The following PI4K2B variants were observed in gnomAD, a reference collection of about 807,000 sequenced individuals.
PI4K2B encodes the protein phosphatidylinositol 4-kinase type 2-beta.
Under a neutral mutation model 56.6 loss-of-function variants are expected in PI4K2B, and 46 were observed. The ratio of observed to expected loss-of-function variants is 0.81; its 90% confidence interval spans 0.64 to 1.04. The LOEUF (loss-of-function observed/expected upper bound fraction) is 1.04. PI4K2B is among the 50% of genes least tolerant of loss of function. The pLI, the probability that PI4K2B is intolerant of heterozygous loss-of-function variation, is 0.00. For synonymous variants in PI4K2B, 211 were observed against 223.8 expected, an observed-to-expected ratio of 0.94 and a Z score of 0.51; for missense variants, 556 against 607.7, an observed-to-expected ratio of 0.91 and a Z score of 0.89.
intron 6 of PI4K2B, among the ~76,000 whole-genome samples, chr4:25,261,408 C>A (rs909968556): frequency 6.6e-6 from 1 of 152,098 alleles, no homozygotes. Flanking sequence ...TTGCTATCGA[C>A]TTTGAGTACC....
At chr4:25,253,904 C>T (rs780376453) in intron 2 of PI4K2B, among the ~76,000 whole-genome samples, 16 of 151,966 alleles carry the variant, frequency 1.1e-4, no homozygotes, top group Non-Finnish European at 1.9e-4. Context: ...CCTGAGTAGC[C>T]GGGATTACAG....
rs562895062 is a variant in PI4K2B at position 25,242,140 on chromosome 4, A to G, written c.268+7709A>G. Reference sequence around the variant, plus strand: ...GGTCCCTCTGGCTAAGATTAGGCCTAGATATTTGACCTGCTGTAGGCAAAG... The same window carrying G: ...GGTCCCTCTGGCTAAGATTAGGCCTGGATATTTGACCTGCTGTAGGCAAAG... On this transcript the variant is annotated intron_variant, in intron 1 of 9. Coordinates refer to ENST00000264864, the MANE Select transcript of PI4K2B (RefSeq NM_018323.4). Among the ~76,000 whole-genome samples, 15 of 152,356 alleles carry G rather than the reference A, an allele frequency of 9.8e-5. No individual in the cohort carries two copies. In the South Asian group the frequency reaches 3.1e-3, roughly 32 times the overall value.
intron 1 of PI4K2B, among the ~76,000 whole-genome samples, chr4:25,246,295 T>G (rs552518758): frequency 6.6e-6 from 1 of 152,054 alleles, no homozygotes; most frequent in East Asian, 1.9e-4. Context: ...TGCTGATTGG[T>G]CCATTTTACA....
At chr4:25,244,603 G>A (rs571974672) in intron 1 of PI4K2B, among the ~76,000 whole-genome samples, 216 of 152,266 alleles carry the variant, frequency 1.4e-3, no homozygotes, top group African/African-American at 5.0e-3. Flanking sequence ...GGGTTTATGG[G>A]TCAAATTGGT....
At chr4:25,266,801 T>C (rs990435356) in intron 7 of PI4K2B, among the ~76,000 whole-genome samples, 8 of 152,232 alleles carry the variant, frequency 5.3e-5, no homozygotes, top group African/African-American at 1.9e-4. Context: ...GCTTTTAAAC[T>C]GTCATCTTGT....
chr4:25,256,758 C>T, intron 4 of PI4K2B, 84 bp downstream of exon 4: 2 of 1,247,254 alleles, frequency 1.6e-6, no homozygotes, highest in Middle Eastern at 1.9e-4. Context: ...GTGCTATTAG[C>T]TGTGGATATT....
intron 3 of PI4K2B, among the ~76,000 whole-genome samples, chr4:25,256,300 C>T (rs1053067245): frequency 6.6e-5 from 10 of 152,214 alleles, no homozygotes; most frequent in Non-Finnish European, 1.3e-4. Flanking sequence ...AATACTGTTA[C>T]TTTGACCACT....
chr4:25,269,408 G>A lies in PI4K2B; in HGVS notation c.1272+205G>A, dbSNP rs536939650. On this transcript the variant is annotated intron_variant, in intron 9 of 9. Coordinates refer to ENST00000264864, the MANE Select transcript of PI4K2B (RefSeq NM_018323.4). The stretch of plus-strand genomic sequence containing the variant: ...TCCCAGTGCTTTGGGAGGCCAAGGC[G>A]GGTGAATCACCTGAGGTCAGGAGTT... Among the ~76,000 whole-genome samples, 1,287 of 152,180 alleles carry A rather than the reference G, an allele frequency of 8.5e-3. 9 individuals carry two copies. Among genetic ancestry groups the A allele is most frequent in the African/African-American group, 0.028 (1,180 of 41,544 alleles).
rs1478298351 is a variant in PI4K2B, at chr4:25,234,366, C to T, written c.203C>T (p.Pro68Leu). 2.8e-6 allele frequency: 4 copies of T among 1,407,990 alleles called. No homozygotes were observed. Among genetic ancestry groups the T allele is most frequent in the Non-Finnish European group, 3.7e-6 (4 of 1,080,020 alleles). 87.2% of individuals were successfully genotyped at this position (1,407,990 alleles called of 1,614,324 possible). The stretch of plus-strand genomic sequence containing the variant: ...GGCGACGAGGAGCTGCCCCTCCCGC[C>T]CGGGGACGTGGGGGTCTCCCGGAGT... ...EAGDEELPLP[P>L]GDVGVSRSSS... Residue 68 changes from proline (P) to leucine (L), a missense_variant, in exon 1 of 10, where the codon CCC (proline) becomes CTC (leucine). Physicochemically the swap from Pro to Leu is moderately conservative, Grantham distance 98. Coordinates refer to ENST00000264864, the MANE Select transcript of PI4K2B (RefSeq NM_018323.4).
In PI4K2B at chr4:25,234,042, C is replaced by G. The variant is rs1437233858; in HGVS notation, c.-122C>G. ...CCGCTGGGCGGGCGCCAAGCGTGCC[C>G]GTGCGCTGGTGAGGTGGCGTCCGTT... is the stretch of plus-strand genomic sequence containing the variant. On this transcript the variant is annotated 5_prime_UTR_variant, in exon 1 of 10. Coordinates refer to ENST00000264864, the MANE Select transcript of PI4K2B (RefSeq NM_018323.4). 8.1e-6 allele frequency: 7 copies of G among 868,998 alleles called. No individual in the cohort carries two copies. The East Asian group carries it at 1.0e-4, about 12-fold the overall frequency. 53.8% of individuals were successfully genotyped at this position (868,998 alleles called of 1,614,324 possible). A position where few individuals can be genotyped will look rare whatever the true frequency, so the allele number is the denominator to read the frequency against.
At chr4:25,242,096 G>C (rs546483931) in intron 1 of PI4K2B, among the ~76,000 whole-genome samples, 1 of 152,186 alleles carries the variant, frequency 6.6e-6, no homozygotes, top group Admixed American at 6.5e-5. Flanking sequence ...GGCTGTATTC[G>C]TTCCTTGCTG....
At chr4:25,242,109 G>A (rs997189927) in intron 1 of PI4K2B, among the ~76,000 whole-genome samples, 1 of 152,300 alleles carries the variant, frequency 6.6e-6, no homozygotes, top group South Asian at 2.1e-4. Context: ...CCTTGCTGAG[G>A]GCCCTGGTCC....
intron 1 of PI4K2B, among the ~76,000 whole-genome samples, chr4:25,238,077 A>G (rs1428933331): frequency 2.6e-5 from 4 of 152,198 alleles, no homozygotes; most frequent in Non-Finnish European, 4.4e-5. Context: ...GTGGTTTATA[A>G]ATATGTGAAC....
At position 25,268,516 on chromosome 4, in the gene PI4K2B, A is replaced by C; in HGVS notation, c.1152A>C (p.Pro384=). The C allele has an allele frequency of 6.3e-7, 1 of 1,598,266 alleles. No individual in the cohort carries two copies. Among genetic ancestry groups the C allele is most frequent in the South Asian group, 1.1e-5 (1 of 88,962 alleles). ...FSEEIRNLIL[P]YISDMNFVQD... ...AAGAAATAAGAAATTTGATTCTACC[A>C]TATATTTCTGACATGAACTTTGTGC... The change falls in exon 8 of 10, where the codon CCA becomes CCC. Residue 384 remains proline (P), a synonymous_variant. Coordinates refer to ENST00000264864, the MANE Select transcript of PI4K2B (RefSeq NM_018323.4).
chr4:25,236,226 T>C (rs948896784), intron 1 of PI4K2B, among the ~76,000 whole-genome samples: 2 of 130,458 alleles, frequency 1.5e-5, no homozygotes, highest in Non-Finnish European at 3.2e-5. Context: ...AATAAATAAA[T>C]AAATAAATAA....
intron 1 of PI4K2B, among the ~76,000 whole-genome samples, chr4:25,235,594 T>C (rs754546352): frequency 1.3e-5 from 2 of 152,206 alleles, no homozygotes; most frequent in Non-Finnish European, 2.9e-5. Context: ...TGTTACCTGA[T>C]GGATGCATTG....
intron 9 of PI4K2B, among the ~76,000 whole-genome samples, chr4:25,273,470 C>G (rs1364563401): frequency 6.6e-6 from 1 of 152,206 alleles, no homozygotes; most frequent in Non-Finnish European, 1.5e-5. Context: ...CCTCCTGGTA[C>G]TTGACCCCTT....
At chr4:25,250,190 G>A (rs530415899) in intron 1 of PI4K2B, among the ~76,000 whole-genome samples, 6 of 152,274 alleles carry the variant, frequency 3.9e-5, no homozygotes, top group South Asian at 4.1e-4. Flanking sequence ...CCTCGGCTCC[G>A]CATCAGAGGG....
intron 1 of PI4K2B, among the ~76,000 whole-genome samples, chr4:25,243,973 A>G (rs1259138143): frequency 1.3e-5 from 2 of 152,174 alleles, no homozygotes; most frequent in African/African-American, 2.4e-5. Flanking sequence ...GGTATCTCCA[A>G]ACTCTTGGGC....
Sources: allele counts gnomAD v4.1 joint callset (sites outside exome capture counted in the v4.1 genomes callset), GRCh38; gene constraint gnomAD v4.1.1; transcripts MANE v1.5; gene names NCBI Gene and HGNC (gene_info 2026-07-23, HGNC 2026-07-21).